Variants in PTK2 observed in about 807,000 individuals in gnomAD.
PTK2 encodes protein tyrosine kinase 2.
PTK2 carries 45 observed loss-of-function variants against 150.1 expected under a neutral mutation model. The observed-to-expected ratio is 0.30, with a 90% CI of 0.24 to 0.38. PTK2 has a LOEUF of 0.38. Ranked by LOEUF, PTK2 falls within the 10% of genes least tolerant of loss-of-function variation. PTK2 has a pLI of 1.00. For synonymous variants in PTK2, 432 were observed against 449.2 expected (o/e 0.96, Z 0.48); for missense variants, 919 against 1,307.3 (o/e 0.70, Z 4.58).
Position 140,972,403 on chromosome 8 carries a change from T to C in PTK2, c.-122+28722A>G, listed in dbSNP as rs1032478253. Among the ~76,000 whole-genome samples, 6 of 152,270 alleles carry C rather than the reference T, an allele frequency of 3.9e-5. No individual in the cohort carries two copies. In the South Asian group the frequency reaches 8.3e-4, roughly 21 times the overall value. On this transcript the variant is annotated intron_variant, in intron 1 of 31. Coordinates refer to ENST00000522684, the Ensembl canonical transcript of PTK2. ...CCTCGGCCTCCCGAGTAGCTGCAAC[T>C]ACAGGCGCACGCCACCACGCCTGGC...
At chr8:140,817,697 A>G (rs2154601636) in intron 10 of PTK2, among the ~76,000 whole-genome samples, 1 of 152,314 alleles carries the variant, frequency 6.6e-6, no homozygotes, top group East Asian at 1.9e-4. Context: ...TCAAACCTCT[A>G]GACTGCCTGG....
intron 1 of PTK2, among the ~76,000 whole-genome samples, chr8:140,972,030 G>T (rs988117963): frequency 6.6e-6 from 1 of 152,080 alleles, no homozygotes; most frequent in Admixed American, 6.5e-5. Flanking sequence ...TCAGTATTTC[G>T]ATGTATCCTG....
intron 8 of PTK2, among the ~76,000 whole-genome samples, chr8:140,829,803 G>A (rs1366367301): frequency 1.3e-5 from 2 of 152,206 alleles, no homozygotes; most frequent in East Asian, 1.9e-4. Context: ...CCAGGCCCAA[G>A]ACCCTGAGGC....
chr8:140,938,801 C>A (rs2100174624), intron 1 of PTK2, among the ~76,000 whole-genome samples: 1 of 152,150 alleles, frequency 6.6e-6, no homozygotes, highest in African/African-American at 2.4e-5. Context: ...GCTTTGTTAT[C>A]CTCTTCTTCT....
intron 1 of PTK2, among the ~76,000 whole-genome samples, chr8:140,961,463 C>T (rs757118473): frequency 7.9e-5 from 12 of 151,868 alleles, no homozygotes; most frequent in Non-Finnish European, 1.6e-4. Context: ...AGATCGAGAC[C>T]GTCCTGGCTA....
chr8:140,816,551 A>C (rs969371836), intron 10 of PTK2, among the ~76,000 whole-genome samples: 2 of 152,232 alleles, frequency 1.3e-5, no homozygotes, highest in African/African-American at 4.8e-5. Flanking sequence ...ATCATAAAAA[A>C]GGTAACAGGA....
intron 14 of PTK2, among the ~76,000 whole-genome samples, chr8:140,766,078 T>C (rs933962251): frequency 7.2e-5 from 11 of 152,160 alleles, no homozygotes; most frequent in Non-Finnish European, 1.6e-4. Flanking sequence ...CAGCAGGATT[T>C]TGGGAGAGCC....
At chr8:140,932,574 T>C (rs756619021) in intron 1 of PTK2, among the ~76,000 whole-genome samples, 6 of 152,176 alleles carry the variant, frequency 3.9e-5, no homozygotes, top group Non-Finnish European at 8.8e-5. Context: ...TTAATTGAAA[T>C]AATTACAATG....
At chr8:140,895,726 T>C (rs986716319) in intron 2 of PTK2, among the ~76,000 whole-genome samples, 1 of 152,116 alleles carries the variant, frequency 6.6e-6, no homozygotes, top group Admixed American at 6.6e-5. Context: ...AATTAGAATG[T>C]TTGTAACACC....
intron 2 of PTK2, among the ~76,000 whole-genome samples, chr8:140,905,285 A>G (rs2100160399): frequency 6.6e-6 from 1 of 152,162 alleles, no homozygotes. Flanking sequence ...GACCCATGTC[A>G]TGTGCAAAGA....
intron 4 of PTK2, among the ~76,000 whole-genome samples, chr8:140,877,752 C>A (rs1308868331): frequency 6.6e-6 from 1 of 151,918 alleles, no homozygotes; most frequent in Non-Finnish European, 1.5e-5. Context: ...ATAACCCCAC[C>A]TAAATTTTTC....
At chr8:140,745,386 T>G (rs888274520) in intron 18 of PTK2, among the ~76,000 whole-genome samples, 2 of 152,264 alleles carry the variant, frequency 1.3e-5, no homozygotes, top group Admixed American at 1.3e-4. Flanking sequence ...ATTAATACCC[T>G]AATTCTAAAT....
intron 10 of PTK2, among the ~76,000 whole-genome samples, chr8:140,806,336 TTTTG>T (rs1278651023): frequency 3.3e-5 from 5 of 152,204 alleles, no homozygotes; most frequent in Non-Finnish European, 7.3e-5. Flanking sequence ...GCTATAGTTA[TTTTG>T]GTCAGTGACA....
At chr8:140,742,306 T>G (rs1290332766) in intron 20 of PTK2, among the ~76,000 whole-genome samples, 1 of 152,260 alleles carries the variant, frequency 6.6e-6, no homozygotes, top group African/African-American at 2.4e-5. Flanking sequence ...TGGAGCTGAT[T>G]TGAATTTCTG....
chr8:140,788,606 C>T (rs932970103), intron 14 of PTK2, among the ~76,000 whole-genome samples: 1 of 152,070 alleles, frequency 6.6e-6, no homozygotes, highest in African/African-American at 2.4e-5. Flanking sequence ...ACTCCTTGAA[C>T]CTGGGAAGCA....
intron 4 of PTK2, among the ~76,000 whole-genome samples, chr8:140,867,371 C>T (rs1044048884): frequency 6.6e-6 from 1 of 152,128 alleles, no homozygotes; most frequent in Non-Finnish European, 1.5e-5. Flanking sequence ...ACATAATCTT[C>T]CCTAGATCCC....
intron 29 of PTK2, 81 bp from the exon 34 acceptor site, chr8:140,668,505 T>C (rs2093720898): frequency 1.8e-5 from 27 of 1,460,534 alleles, no homozygotes; most frequent in Non-Finnish European, 2.5e-5. Flanking sequence ...AGAGGGTCTT[T>C]ACAAGAGATC....
intron 1 of PTK2, among the ~76,000 whole-genome samples, chr8:140,997,768 A>C (rs1341442881): frequency 2.0e-5 from 3 of 152,042 alleles, no homozygotes; most frequent in Non-Finnish European, 2.9e-5. Flanking sequence ...GGGAGACCCC[A>C]TCTCTACGAA....
intron 1 of PTK2, among the ~76,000 whole-genome samples, chr8:140,974,627 T>C (rs771851480): frequency 6.6e-6 from 1 of 152,216 alleles, no homozygotes; most frequent in Non-Finnish European, 1.5e-5. Flanking sequence ...AATCCTGTGA[T>C]TGGGATGATG....
Sources: allele counts gnomAD v4.1 joint callset (sites outside exome capture counted in the v4.1 genomes callset), GRCh38; gene constraint gnomAD v4.1.1; transcripts MANE v1.5; gene names NCBI Gene and HGNC (gene_info 2026-07-23, HGNC 2026-07-21).